The following ST3GAL3 variants were observed in gnomAD, a reference collection of about 807,000 sequenced individuals.
ST3GAL3 encodes the protein CMP-N-acetylneuraminate-beta-1,4-galactoside alpha-2,3-sialyltransferase.
A neutral mutation model predicts 50.1 loss-of-function variants in ST3GAL3; 21 were observed. The observed-to-expected ratio is 0.42, with a 90% CI of 0.30 to 0.60. The LOEUF is 0.60. ST3GAL3 is among the 20% of genes least tolerant of loss of function. The pLI is 0.19. For missense variants in ST3GAL3, 353 were observed against 489.4 expected, an observed-to-expected ratio of 0.72 and a Z score of 2.63; for synonymous variants, 183 against 190.0, an observed-to-expected ratio of 0.96 and a Z score of 0.30.
chr1:43,857,554 C>CCCCTCCTTCCTT (rs2068723404), intron 5 of ST3GAL3, among the ~76,000 whole-genome samples: 3 of 100,132 alleles, frequency 3.0e-5, no homozygotes, highest in African/African-American at 1.1e-4. Flanking sequence ...TCCCTTCCTT[C>CCCCTCCTTCCTT]CTTTCCTTCC....
intron 2 of ST3GAL3, among the ~76,000 whole-genome samples, chr1:43,781,189 G>A (rs542444236): frequency 6.6e-6 from 1 of 152,148 alleles, no homozygotes; most frequent in Non-Finnish European, 1.5e-5. Context: ...CAATGAACAT[G>A]CAGTCGTTTC....
chr1:43,918,086 T>C (rs2082371750), intron 9 of ST3GAL3, among the ~76,000 whole-genome samples: 1 of 150,708 alleles, frequency 6.6e-6, no homozygotes, highest in African/African-American at 2.4e-5. Flanking sequence ...GATAATTAAG[T>C]GATAAAATAG....
At chr1:43,844,340 TGCCAACCA>T (rs2065883922) in intron 5 of ST3GAL3, among the ~76,000 whole-genome samples, 1 of 152,164 alleles carries the variant, frequency 6.6e-6, no homozygotes, top group East Asian at 1.9e-4. Context: ...TTGGTTCCCC[TGCCAACCA>T]GCACCCAACA....
intron 2 of ST3GAL3, among the ~76,000 whole-genome samples, chr1:43,739,817 T>A (rs957995423): frequency 1.3e-5 from 2 of 152,176 alleles, no homozygotes; most frequent in Admixed American, 6.5e-5. Context: ...TTAGAGACAC[T>A]TGTGACCTAG....
chr1:43,892,978 G>A (rs1335802839), intron 5 of ST3GAL3, among the ~76,000 whole-genome samples: 1 of 152,120 alleles, frequency 6.6e-6, no homozygotes, highest in Non-Finnish European at 1.5e-5. Flanking sequence ...TTTTACATGG[G>A]GTGGTAGTGG....
chr1:43,850,667 C>A, intron 5 of ST3GAL3: 1 of 724,180 alleles, frequency 1.4e-6, no homozygotes, highest in East Asian at 2.5e-5. Context: ...AATGGAGATC[C>A]ACGAGGATCA....
intron 2 of ST3GAL3, among the ~76,000 whole-genome samples, chr1:43,768,829 ATAAT>A (rs1267401238): frequency 6.6e-6 from 1 of 152,246 alleles, no homozygotes; most frequent in East Asian, 1.9e-4. Flanking sequence ...ATTGAAAAGA[ATAAT>A]TAATTCCAGC....
chr1:43,858,172 C>T lies in ST3GAL3; in HGVS notation c.302+19861C>T, dbSNP rs962396359. ...TGGTGCATGGAGACAAAAACATATC[C>T]AGGCATATGTGCTCCGCCAGAGGTG... is the stretch of plus-strand genomic sequence containing the variant. On this transcript the variant is annotated intron_variant, in intron 5 of 11. Transcript: ENST00000347631. 3 of 1,289,290 alleles carry T rather than the reference C, an allele frequency of 2.3e-6. No individual in the cohort carries two copies. The African/African-American group carries it at 4.6e-5, about 20-fold the overall frequency. The allele number at this position is 1,289,290 out of a possible 1,614,324, so 79.9% of individuals were successfully genotyped here.
At chr1:43,928,982 A>C (rs1461670003) in intron 11 of ST3GAL3, among the ~76,000 whole-genome samples, 1 of 152,212 alleles carries the variant, frequency 6.6e-6, no homozygotes. Flanking sequence ...CAGAGAGGTC[A>C]CTTGGGGACA....
At chr1:43,875,935 CTTCTTCTTCTTCTTCTTATTATTA>C (rs199810941) in intron 5 of ST3GAL3, among the ~76,000 whole-genome samples, 7,787 of 56,592 alleles carry the variant, frequency 0.14, 261 homozygotes, top group East Asian at 0.22. Flanking sequence ...TCTTCTTCTT[CTTCTTCTTCTTCTTCTTATTATTA>C]TTATTATTAT....
rs138613615 is a variant in ST3GAL3, at chr1:43,907,278, C to T, written c.744+7551C>T. ...CAATCACCAACATCATGTGCAGTCC[C>T]GTTCTTCAAGCACAGTCTCACTCAC... On this transcript the variant is annotated intron_variant, in intron 9 of 11. Coordinates refer to ENST00000347631, the MANE Select transcript of ST3GAL3 (RefSeq NM_006279.5). Among the ~76,000 whole-genome samples, 12 of 152,304 alleles carry T rather than the reference C, an allele frequency of 7.9e-5. No individual in the cohort carries two copies. In the South Asian group the frequency reaches 1.2e-3, roughly 16 times the overall value.
At chr1:43,768,793 G>C (rs540038941) in intron 2 of ST3GAL3, among the ~76,000 whole-genome samples, 1 of 152,044 alleles carries the variant, frequency 6.6e-6, no homozygotes, top group Non-Finnish European at 1.5e-5. Context: ...AAACCCAGAG[G>C]GCTTCACTGG....
At chr1:43,810,725 C>G (rs2060457847) in intron 3 of ST3GAL3, among the ~76,000 whole-genome samples, 1 of 152,082 alleles carries the variant, frequency 6.6e-6, no homozygotes, top group Non-Finnish European at 1.5e-5. Context: ...TAGCCTTTCC[C>G]CAGGAGTTTC....
chr1:43,770,239 G>C (rs1694578595), intron 2 of ST3GAL3, among the ~76,000 whole-genome samples: 1 of 138,204 alleles, frequency 7.2e-6, no homozygotes, highest in Admixed American at 7.2e-5. Flanking sequence ...GGGGAGGAGA[G>C]GAGAGGGGAG....
At chr1:43,791,397 A>G (rs1026304936) in intron 2 of ST3GAL3, among the ~76,000 whole-genome samples, 1 of 151,254 alleles carries the variant, frequency 6.6e-6, no homozygotes, top group African/African-American at 2.5e-5. Context: ...GCAGTTGCCC[A>G]GTGCATATTT....
chr1:43,806,398 C>T (rs975253838), intron 3 of ST3GAL3, among the ~76,000 whole-genome samples: 1 of 151,912 alleles, frequency 6.6e-6, no homozygotes, highest in African/African-American at 2.4e-5. Context: ...CAAGAGGTTG[C>T]CACGTGAACC....
chr1:43,718,265 C>G (rs1263379001), intron 1 of ST3GAL3, among the ~76,000 whole-genome samples: 2 of 142,828 alleles, frequency 1.4e-5, no homozygotes, highest in Non-Finnish European at 1.5e-5. Context: ...TCTTGGCTCA[C>G]TGCAAGCTAT....
intron 2 of ST3GAL3, among the ~76,000 whole-genome samples, chr1:43,759,248 A>G (rs1198325458): frequency 1.3e-5 from 2 of 151,928 alleles, no homozygotes; most frequent in Non-Finnish European, 2.9e-5. Flanking sequence ...GATCGAGACC[A>G]TCCTGGCCAA....
intron 4 of ST3GAL3, among the ~76,000 whole-genome samples, chr1:43,817,596 T>C (rs2061485169): frequency 8.1e-6 from 1 of 123,540 alleles, no homozygotes; most frequent in Non-Finnish European, 1.7e-5. Flanking sequence ...CTTCTCCTCC[T>C]CCCTTCTCCT....
Sources: gnomAD v4.1 joint callset for allele counts (sites outside exome capture counted in the v4.1 genomes callset) on GRCh38, gnomAD v4.1.1 for gene constraint, MANE v1.5 for transcripts, NCBI Gene and HGNC (gene_info 2026-07-23, HGNC 2026-07-21) for gene names.